The following BTBD9 variants were observed in gnomAD, a reference collection of about 807,000 sequenced individuals.
BTBD9 encodes the protein BTB domain containing 9.
BTBD9 carries 49 observed loss-of-function variants against 64.3 expected under a neutral mutation model. That is an observed-to-expected ratio of 0.76 (90% CI 0.61 to 0.97). The LOEUF (loss-of-function observed/expected upper bound fraction) is 0.97. Among genes scored for constraint, BTBD9 ranks in the 50% least tolerant of loss-of-function variants. BTBD9 has a pLI of 0.00. For missense variants in BTBD9, 598 were observed against 762.1 expected (o/e 0.78, Z 2.53); for synonymous variants, 260 against 274.7 (o/e 0.95, Z 0.53).
At chr6:38,275,239 C>A (rs1368488723) in intron 8 of BTBD9, among the ~76,000 whole-genome samples, 24 of 151,598 alleles carry the variant, frequency 1.6e-4, no homozygotes, top group Admixed American at 1.1e-3. Flanking sequence ...CAAAAACAAG[C>A]AATGGGGAAA....
At chr6:38,408,840 C>T (rs1027228318) in intron 6 of BTBD9, among the ~76,000 whole-genome samples, 2 of 152,226 alleles carry the variant, frequency 1.3e-5, no homozygotes, top group African/African-American at 4.8e-5. Context: ...CCCTCCCTCA[C>T]TCAGTCCATT....
intron 6 of BTBD9, among the ~76,000 whole-genome samples, chr6:38,499,057 T>C (rs1772081456): frequency 6.6e-6 from 1 of 152,232 alleles, no homozygotes; most frequent in Non-Finnish European, 1.5e-5. Flanking sequence ...AGTTGGTCTT[T>C]TGCTGAGCCT....
At chr6:38,452,016 C>T (rs929090896) in intron 6 of BTBD9, among the ~76,000 whole-genome samples, 9 of 152,072 alleles carry the variant, frequency 5.9e-5, no homozygotes, top group South Asian at 4.1e-4. Flanking sequence ...TTTTACCTAA[C>T]GCTTTTAATT....
At chr6:38,401,776 A>C (rs1766937394) in intron 6 of BTBD9, among the ~76,000 whole-genome samples, 1 of 152,214 alleles carries the variant, frequency 6.6e-6, no homozygotes, top group Non-Finnish European at 1.5e-5. Flanking sequence ...TTATCGTAGG[A>C]CTATGGACAA....
At chr6:38,278,969 T>A (rs73420793) in intron 8 of BTBD9, among the ~76,000 whole-genome samples, 1,670 of 152,290 alleles carry the variant, frequency 0.011, 32 homozygotes, top group African/African-American at 0.038. Context: ...CCCCTTGCAC[T>A]GAATCTGATA....
At chr6:38,192,911 G>A (rs1251113498) in intron 9 of BTBD9, among the ~76,000 whole-genome samples, 2 of 121,648 alleles carry the variant, frequency 1.6e-5, no homozygotes, top group Non-Finnish European at 3.3e-5. Flanking sequence ...AACAAGGGGT[G>A]GGGGGAGGGG....
intron 6 of BTBD9, among the ~76,000 whole-genome samples, chr6:38,378,735 G>C (rs964656653): frequency 6.6e-6 from 1 of 151,428 alleles, no homozygotes; most frequent in Non-Finnish European, 1.5e-5. Flanking sequence ...TTAGCTGGGC[G>C]TGGTGGTGGG....
At chr6:38,346,905 A>C (rs1764301898) in intron 6 of BTBD9, among the ~76,000 whole-genome samples, 1 of 152,202 alleles carries the variant, frequency 6.6e-6, no homozygotes, top group Admixed American at 6.5e-5. Flanking sequence ...GAATTTGATC[A>C]GATCATTTCG....
chr6:38,292,618 G>A (rs1342938720), intron 7 of BTBD9, among the ~76,000 whole-genome samples: 2 of 152,140 alleles, frequency 1.3e-5, no homozygotes, highest in Admixed American at 1.3e-4. Context: ...GGTGTTTATA[G>A]TATTCTCTGA....
intron 7 of BTBD9, among the ~76,000 whole-genome samples, chr6:38,318,697 G>A (rs1763118915): frequency 6.6e-6 from 1 of 152,206 alleles, no homozygotes; most frequent in African/African-American, 2.4e-5. Flanking sequence ...CCACTATTGG[G>A]GCTGTGCTAG....
chr6:38,495,774 C>T (rs549553965), intron 6 of BTBD9, among the ~76,000 whole-genome samples: 16 of 91,002 alleles, frequency 1.8e-4, no homozygotes, highest in Admixed American at 3.6e-4. Flanking sequence ...GGCGGGGGGG[C>T]GGGGGTATAA....
chr6:38,424,768 C>T (rs996593961), intron 6 of BTBD9, among the ~76,000 whole-genome samples: 19 of 152,074 alleles, frequency 1.2e-4, no homozygotes, highest in African/African-American at 4.6e-4. Context: ...CCACCTGCCT[C>T]AGCCTCCCAA....
At chr6:38,244,132 T>C (rs1243295779) in intron 9 of BTBD9, among the ~76,000 whole-genome samples, 1 of 152,222 alleles carries the variant, frequency 6.6e-6, no homozygotes, top group Non-Finnish European at 1.5e-5. Flanking sequence ...CTTTCCTTTT[T>C]TTGCAGATGC....
intron 9 of BTBD9, among the ~76,000 whole-genome samples, chr6:38,199,518 T>G (rs1885323): frequency 1.3e-4 from 20 of 151,890 alleles, no homozygotes; most frequent in Non-Finnish European, 2.2e-4. Flanking sequence ...TATGTTCTAA[T>G]GGGAAGGAGA....
At chr6:38,260,218 T>C (rs1471262425) in intron 8 of BTBD9, among the ~76,000 whole-genome samples, 1 of 152,208 alleles carries the variant, frequency 6.6e-6, no homozygotes, top group African/African-American at 2.4e-5. Context: ...TGGATTGAAA[T>C]CATTCGTAAC....
Position 38,475,538 on chromosome 6 carries a change from T to C in BTBD9, c.1154+102062A>G, listed in dbSNP as rs117515249. ...CAAAGCACTAATCTGACACAACATA[T>C]GCTGCCTTTAGCTCTCATCTTCTCT... On this transcript the variant is annotated intron_variant, in intron 6 of 10. Coordinates refer to ENST00000481247, the MANE Select transcript of BTBD9 (RefSeq NM_001099272.2). Among the ~76,000 whole-genome samples the C allele has an allele frequency of 6.9e-3, 1,058 of 152,304 alleles. 34 individuals carry two copies. The highest frequency in any genetic ancestry group is 0.039 in the Admixed American group (592 of 15,294).
At position 38,170,599 on chromosome 6, in the gene BTBD9, T is replaced by C. The variant is rs1766715825; in HGVS notation, c.*4386A>G. ...ACTGGATCCGTGTCAGCGAGAGAGA[T>C]GGGGGCATTCCAGTTGTCCTGCATG... is the stretch of plus-strand genomic sequence containing the variant. On this transcript the variant is annotated 3_prime_UTR_variant, in exon 11 of 11. Coordinates refer to ENST00000481247, the MANE Select transcript of BTBD9 (RefSeq NM_001099272.2). 1 of 152,244 alleles carries C rather than the reference T, an allele frequency of 6.6e-6. No individual in the cohort carries two copies. The highest frequency in any genetic ancestry group is 2.4e-5 in the African/African-American group (1 of 41,444). The allele number at this position is 152,244 out of a possible 1,614,324, so 9.4% of individuals were successfully genotyped here.
chr6:38,169,850 A>G lies in BTBD9; in HGVS notation c.*5135T>C, dbSNP rs1474363718. The G allele has an allele frequency of 6.9e-6, 1 of 145,276 alleles. No individual in the cohort carries two copies. 9.0% of individuals were successfully genotyped at this position (145,276 alleles called of 1,614,324 possible). A position where few individuals can be genotyped will look rare whatever the true frequency, so the allele number is the denominator to read the frequency against. On this transcript the variant is annotated 3_prime_UTR_variant, in exon 11 of 11. Coordinates refer to ENST00000481247, the MANE Select transcript of BTBD9 (RefSeq NM_001099272.2). ...ATTTATCATAAATTACAGGTGGATG[A>G]TTGTGAGTCTTCAGGCCATGAGGCC...
intron 6 of BTBD9, among the ~76,000 whole-genome samples, chr6:38,422,090 TTCATGGGGGGTAGTA>T (rs1326439008): frequency 6.6e-6 from 1 of 152,200 alleles, no homozygotes; most frequent in African/African-American, 2.4e-5. Flanking sequence ...ACCAGGGGTT[TTCATGGGGGGTAGTA>T]TCATTCTGGG....
Sources: gnomAD v4.1 joint callset for allele counts (sites outside exome capture counted in the v4.1 genomes callset) on GRCh38, gnomAD v4.1.1 for gene constraint, MANE v1.5 for transcripts, NCBI Gene and HGNC (gene_info 2026-07-23, HGNC 2026-07-21) for gene names.